MINDY3: variants seen among roughly 807,000 people sequenced by gnomAD.
The protein encoded by MINDY3 is ubiquitin carboxyl-terminal hydrolase MINDY-3.
Under a neutral mutation model 69.2 loss-of-function variants are expected in MINDY3, and 38 were observed. The ratio of observed to expected loss-of-function variants is 0.55; its 90% CI spans 0.42 to 0.72. The LOEUF (loss-of-function observed/expected upper bound fraction) is 0.72, where lower values mean the gene tolerates loss of function less well. Ranked by LOEUF, MINDY3 falls within the 30% of genes least tolerant of loss-of-function variation. MINDY3 has a pLI of 0.00. For synonymous variants in MINDY3, 192 were observed against 180.1 expected (o/e 1.07, Z -0.53); for missense variants, 522 against 519.0 (o/e 1.01, Z -0.06).
At chr10:15,816,484 A>G (rs1333645269) in intron 10 of MINDY3, among the ~76,000 whole-genome samples, 1 of 152,054 alleles carries the variant, frequency 6.6e-6, no homozygotes, top group Admixed American at 6.6e-5. Context: ...TATATCATGT[A>G]TCATCTAAGT....
intron 7 of MINDY3, among the ~76,000 whole-genome samples, chr10:15,834,183 G>A (rs1832925838): frequency 6.6e-6 from 1 of 151,904 alleles, no homozygotes; most frequent in African/African-American, 2.4e-5. Context: ...GGTGGTCCGA[G>A]AGGAAAATGG....
At chr10:15,848,054 T>A in intron 1 of MINDY3, 111 bp from the exon 2 acceptor site, 1 of 834,796 alleles carries the variant, frequency 1.2e-6, no homozygotes. Context: ...CAGCAAAATA[T>A]CTTCAAATCA....
rs867650031 is a variant in MINDY3, at chr10:15,780,418, T to C, written c.1189-1277A>G. Among the ~76,000 whole-genome samples, 3 of 152,342 alleles carry C rather than the reference T, an allele frequency of 2.0e-5. No homozygotes were observed. The South Asian group carries it at 6.2e-4, about 32-fold the overall frequency. ...GTCCCCAAAGCAAAACTGCCTTCTC[T>C]GAAAAGTTATACACAAAGAATATAA... On this transcript the variant is annotated intron_variant, in intron 14 of 14. Transcript: ENST00000277632.
rs1836303563 is a variant in MINDY3 at position 15,778,985 on chromosome 10, A to G, written c.*7T>C. Reference sequence around the variant, plus strand: ...ATTAAGATCTTCCTTATAAATACTTAGACAAATTAATTTAGTGAAGGAGAG... The same window carrying G: ...ATTAAGATCTTCCTTATAAATACTTGGACAAATTAATTTAGTGAAGGAGAG... On this transcript the variant is annotated 3_prime_UTR_variant, in exon 15 of 15. Transcript: ENST00000277632. 2 of 1,611,284 alleles carry G rather than the reference A, an allele frequency of 1.2e-6. No individual in the cohort carries two copies. Among genetic ancestry groups the G allele is most frequent in the East Asian group, 4.5e-5 (2 of 44,772 alleles).
chr10:15,829,336 C>T (rs762794375), intron 8 of MINDY3, among the ~76,000 whole-genome samples: 5 of 152,174 alleles, frequency 3.3e-5, no homozygotes, highest in Admixed American at 6.5e-5. Context: ...TTAACCCTGA[C>T]TACACAATAT....
intron 13 of MINDY3, among the ~76,000 whole-genome samples, chr10:15,783,262 T>C (rs908883830): frequency 1.3e-5 from 2 of 152,174 alleles, no homozygotes; most frequent in East Asian, 1.9e-4. Flanking sequence ...TTCCCCTTCA[T>C]GTATTTTCCC....
At chr10:15,788,770 A>G (rs767090302) in intron 12 of MINDY3, 1 of 153,194 alleles carries the variant, frequency 6.5e-6, no homozygotes, top group Non-Finnish European at 1.5e-5. Context: ...GCCATAATAT[A>G]TTGCAGCCAT....
intron 11 of MINDY3, among the ~76,000 whole-genome samples, chr10:15,790,904 C>T (rs946444481): frequency 3.3e-5 from 5 of 152,090 alleles, no homozygotes; most frequent in African/African-American, 1.2e-4. Context: ...TGGCTGGCAG[C>T]CTTTCCGCAG....
rs936737472 is a variant in MINDY3, at chr10:15,843,374, A to G, written c.175-102T>C. On this transcript the variant is annotated intron_variant, in intron 2 of 14. Coordinates refer to ENST00000277632, the MANE Select transcript of MINDY3 (RefSeq NM_024948.4). ...AAAAAATAATGTGTACTCCCTTTCT[A>G]ATCTTTTGACTAGTTCTGTAAAGAT... 3.2e-6 allele frequency: 3 copies of G among 940,774 alleles called. No individual in the cohort carries two copies. The African/African-American group carries it at 4.9e-5, about 15-fold the overall frequency. 58.3% of individuals were successfully genotyped at this position (940,774 alleles called of 1,614,324 possible). A position where few individuals can be genotyped will look rare whatever the true frequency, so the allele number is the denominator to read the frequency against.
At chr10:15,855,395 C>G (rs6602061) in intron 1 of MINDY3, among the ~76,000 whole-genome samples, 22,307 of 151,974 alleles carry the variant, frequency 0.15, 3,285 homozygotes, top group African/African-American at 0.38. Flanking sequence ...TACTTTTCTT[C>G]TCAAGAGTTC....
At chr10:15,833,245 G>A (rs942081444) in intron 8 of MINDY3, among the ~76,000 whole-genome samples, 7 of 152,068 alleles carry the variant, frequency 4.6e-5, no homozygotes, top group Admixed American at 1.3e-4. Context: ...AGTAATATAG[G>A]CAAAAACCCA....
chr10:15,793,728 C>T (rs1424140709), intron 11 of MINDY3, among the ~76,000 whole-genome samples: 1 of 152,026 alleles, frequency 6.6e-6, no homozygotes, highest in African/African-American at 2.4e-5. Flanking sequence ...AAAGGTTGTT[C>T]TCCAAAGAAC....
At chr10:15,800,066 C>T (rs1416499226) in intron 10 of MINDY3, among the ~76,000 whole-genome samples, 1 of 151,962 alleles carries the variant, frequency 6.6e-6, no homozygotes, top group Non-Finnish European at 1.5e-5. Flanking sequence ...TGAATTTTTT[C>T]TCAATAAATA....
chr10:15,831,209 G>C (rs905669964), intron 8 of MINDY3, among the ~76,000 whole-genome samples: 2 of 152,142 alleles, frequency 1.3e-5, no homozygotes, highest in Non-Finnish European at 2.9e-5. Context: ...TCAGCAGTAA[G>C]AGTTTAAATG....
rs200843384 is a variant in MINDY3 at position 15,821,734 on chromosome 10, AAAC to A, written c.731-11_731-9del. 7,830 of 1,606,218 alleles carry A rather than the reference AAAC, an allele frequency of 4.9e-3. 194 individuals carry two copies. In the African/African-American group the frequency reaches 0.07, roughly 14 times the overall value. On this transcript the variant is annotated splice_polypyrimidine_tract_variant and intron_variant, in intron 8 of 14. Transcript: ENST00000277632. ...CATGTATACCAAGAAGTTCTGCAAA[AAAC>A]AACAACAACAACAAAAAACGAAAAC...
intron 11 of MINDY3, among the ~76,000 whole-genome samples, chr10:15,790,657 GT>G (rs1170970472): frequency 6.6e-6 from 1 of 152,128 alleles, no homozygotes; most frequent in Non-Finnish European, 1.5e-5. Context: ...GATATTACAG[GT>G]GGAGTCTCCC....
intron 1 of MINDY3, among the ~76,000 whole-genome samples, chr10:15,849,795 TAAAAC>T (rs1174538700): frequency 1.3e-5 from 2 of 152,132 alleles, no homozygotes; most frequent in African/African-American, 2.4e-5. Flanking sequence ...CATATTAAAA[TAAAAC>T]AAAACAAAAC....
In MINDY3 at chr10:15,778,863, A is replaced by T. The variant is rs1836296070; in HGVS notation, c.*129T>A. ...TTTAAACATATCATAAACACTGAAA[A>T]TGTGTTTTTAATTGTTATTTACAGT... On this transcript the variant is annotated 3_prime_UTR_variant, in exon 15 of 15. Transcript: ENST00000277632. 1.4e-6 allele frequency: 1 copy of T among 694,024 alleles called. No homozygotes were observed. Among genetic ancestry groups the T allele is most frequent in the Non-Finnish European group, 2.3e-6 (1 of 435,626 alleles). 43.0% of individuals were successfully genotyped at this position (694,024 alleles called of 1,614,324 possible).
chr10:15,829,365 T>C (rs1039095186), intron 8 of MINDY3, among the ~76,000 whole-genome samples: 2 of 152,156 alleles, frequency 1.3e-5, no homozygotes, highest in African/African-American at 4.8e-5. Context: ...TAAAAATATA[T>C]GAATGCCCAG....
Sources: allele counts gnomAD v4.1 joint callset (sites outside exome capture counted in the v4.1 genomes callset), GRCh38; gene constraint gnomAD v4.1.1; transcripts MANE v1.5; gene names NCBI Gene and HGNC (gene_info 2026-07-23, HGNC 2026-07-21).